Variants in UNC80 observed in about 807,000 individuals in gnomAD.
UNC80 encodes the protein protein unc-80 homolog.
In UNC80, 164 loss-of-function variants were observed where a neutral mutation model predicts 384.6. That is an observed-to-expected ratio of 0.43 (90% CI 0.38 to 0.49). UNC80 has a LOEUF of 0.49. Among genes scored for constraint, UNC80 ranks in the 20% least tolerant of loss-of-function variants. The pLI is 0.00. For synonymous variants in UNC80, 1,486 were observed against 1,527.8 expected (o/e 0.97, Z 0.64); for missense variants, 3,330 against 4,143.0 (o/e 0.80, Z 5.39).
chr2:209,940,748 T>C (rs1041239020), intron 43 of UNC80, among the ~76,000 whole-genome samples: 7 of 152,086 alleles, frequency 4.6e-5, no homozygotes, highest in African/African-American at 1.2e-4. Context: ...ACCCAGGAGA[T>C]GGAGGTTGCA....
intron 40 of UNC80, among the ~76,000 whole-genome samples, chr2:209,936,636 G>A (rs752544955): frequency 6.7e-6 from 1 of 148,904 alleles, no homozygotes. Context: ...GTATATATAT[G>A]TGTATATATA....
intron 37 of UNC80, 151 bp from the exon 38 acceptor site, chr2:209,930,817 T>A: frequency 1.7e-6 from 1 of 578,360 alleles, no homozygotes; most frequent in Non-Finnish European, 3.1e-6. Flanking sequence ...GTATCACATA[T>A]ACTATATTAA....
chr2:209,775,624 T>C (rs2076820382), intron 2 of UNC80, among the ~76,000 whole-genome samples: 1 of 152,172 alleles, frequency 6.6e-6, no homozygotes, highest in Non-Finnish European at 1.5e-5. Flanking sequence ...GAAATAAAAA[T>C]CGTTTTGTTA....
chr2:209,791,130 C>T (rs2077769655), intron 6 of UNC80, among the ~76,000 whole-genome samples: 1 of 152,110 alleles, frequency 6.6e-6, no homozygotes, highest in Non-Finnish European at 1.5e-5. Flanking sequence ...TAAATCCAGG[C>T]CCTCATGACT....
intron 6 of UNC80, among the ~76,000 whole-genome samples, chr2:209,792,619 T>C (rs1385768409): frequency 6.6e-6 from 1 of 152,172 alleles, no homozygotes; most frequent in Non-Finnish European, 1.5e-5. Context: ...AGTGCTAGGA[T>C]TACAGGCATG....
chr2:209,890,174 T>C (rs1370722801), intron 26 of UNC80, among the ~76,000 whole-genome samples: 1 of 152,118 alleles, frequency 6.6e-6, no homozygotes, highest in East Asian at 1.9e-4. Flanking sequence ...TTAATTACTT[T>C]TCAACTCACA....
At chr2:209,970,726 A>G (rs761816449) in intron 53 of UNC80, 106 bp from the exon 54 acceptor site, 3 of 1,371,662 alleles carry the variant, frequency 2.2e-6, no homozygotes, top group East Asian at 2.6e-5. Context: ...AACATGTCCA[A>G]CCTTCAATTT....
Position 209,959,674 on chromosome 2 carries a change from C to T in UNC80, c.7772C>T (p.Ala2591Val). Residue 2591 changes from alanine to valine, a missense_variant, in exon 51 of 65, where the codon GCC becomes GTC. This residue lies in a region of UNC80 where 1,049 missense variants were observed against 1,488.6 expected (regional missense o/e 0.70). Coordinates refer to ENST00000673920, the MANE Select transcript of UNC80 (RefSeq NM_001371986.1). The part of the protein sequence containing the change: ...QNLAGEPRVI[A>V]LELLDVKSHM... ...CTGGCTGGGGAGCCTCGGGTCATTG[C>T]CTTGGAACTGCTGGATGTGAAGTCT... 3 of 1,551,586 alleles carry T rather than the reference C, an allele frequency of 1.9e-6. No homozygotes were observed. Among genetic ancestry groups the T allele is most frequent in the East Asian group, 2.4e-5 (1 of 40,916 alleles).
intron 7 of UNC80, chr2:209,809,605 C>T: frequency 1.4e-6 from 1 of 709,000 alleles, no homozygotes; most frequent in Non-Finnish European, 2.4e-6. Context: ...TCTTCCTCTC[C>T]CTACCAGACA....
At chr2:209,905,057 CA>C (rs2088017453) in intron 29 of UNC80, 92 bp downstream of exon 29, 1 of 1,297,650 alleles carries the variant, frequency 7.7e-7, no homozygotes, top group Middle Eastern at 2.0e-4. Context: ...CAAGCAAATG[CA>C]ATTGTAACAA....
chr2:209,992,274 A>G (rs2093406258), intron 62 of UNC80, 27 bp downstream of exon 62: 5 of 1,542,264 alleles, frequency 3.2e-6, no homozygotes, highest in Non-Finnish European at 4.4e-6. Context: ...AGCGCAAGAG[A>G]ACCATCCTAC....
chr2:209,802,134 T>A (rs369318794), intron 7 of UNC80, among the ~76,000 whole-genome samples: 2 of 152,264 alleles, frequency 1.3e-5, no homozygotes, highest in East Asian at 3.9e-4. Context: ...GAATGGTAGT[T>A]ATCAGAAGCT....
At chr2:209,803,905 A>C (rs1188809454) in intron 7 of UNC80, among the ~76,000 whole-genome samples, 1 of 151,940 alleles carries the variant, frequency 6.6e-6, no homozygotes, top group Non-Finnish European at 1.5e-5. Context: ...CTATTTTTAA[A>C]AACATTTTTT....
intron 35 of UNC80, among the ~76,000 whole-genome samples, chr2:209,926,071 T>G (rs910581722): frequency 2.3e-4 from 35 of 152,244 alleles, no homozygotes; most frequent in African/African-American, 8.4e-4. Flanking sequence ...ATTTTTAATT[T>G]GTTATTGTAT....
At chr2:209,930,522 CCTCT>C (rs2090772489) in intron 37 of UNC80, among the ~76,000 whole-genome samples, 1 of 152,146 alleles carries the variant, frequency 6.6e-6, no homozygotes, top group Admixed American at 6.6e-5. Context: ...TCTCTTGTAA[CCTCT>C]CTTTTTCTCT....
In UNC80 at chr2:209,941,355, G is replaced by A. The variant is rs1469541777; in HGVS notation, c.6781G>A (p.Gly2261Arg). Residue 2261 changes from glycine to arginine, a missense_variant, in exon 44 of 65, where the codon GGG (glycine) becomes AGG (arginine). Coordinates refer to ENST00000673920, the MANE Select transcript of UNC80 (RefSeq NM_001371986.1). ...EIMLFLNVFN[G>R]ALILHPEDSA... ...CATGCTTTTCCTCAACGTTTTTAAC[G>A]GGGCTCTGATCCTCCACCCGGAAGA... 1 of 1,551,100 alleles carries A rather than the reference G, an allele frequency of 6.4e-7. No individual in the cohort carries two copies. Among genetic ancestry groups the A allele is most frequent in the Non-Finnish European group, 8.7e-7 (1 of 1,146,626 alleles).
intron 34 of UNC80, among the ~76,000 whole-genome samples, 167 bp from the exon 35 acceptor site, chr2:209,922,085 C>A (rs2090080496): frequency 6.6e-6 from 1 of 152,162 alleles, no homozygotes; most frequent in Non-Finnish European, 1.5e-5. Context: ...TTCTGTCTTT[C>A]CTCTGTAGGG....
chr2:209,905,072 G>T, intron 29 of UNC80, 107 bp downstream of exon 29: 1 of 1,164,242 alleles, frequency 8.6e-7, no homozygotes, highest in Non-Finnish European at 1.2e-6. Context: ...GTAACAATCA[G>T]GTCTGTGTGC....
At chr2:209,988,110 T>G (rs1220928903) in intron 61 of UNC80, among the ~76,000 whole-genome samples, 1 of 152,176 alleles carries the variant, frequency 6.6e-6, no homozygotes, top group Non-Finnish European at 1.5e-5. Flanking sequence ...AATAATCTTT[T>G]ATTGAGAAAA....
Sources: gnomAD v4.1 joint callset for allele counts (sites outside exome capture counted in the v4.1 genomes callset) on GRCh38, gnomAD v4.1.1 for gene constraint, gnomAD v4.1.1 regional missense constraint, MANE v1.5 for transcripts, NCBI Gene and HGNC (gene_info 2026-07-23, HGNC 2026-07-21) for gene names.